The following TMOD1 variants were observed in gnomAD, a reference collection of about 807,000 sequenced individuals.
TMOD1 encodes tropomodulin 1.
TMOD1 carries 17 observed loss-of-function variants against 40.6 expected under a neutral mutation model. The ratio of observed to expected loss-of-function variants is 0.42; its 90% CI spans 0.29 to 0.63. The LOEUF (loss-of-function observed/expected upper bound fraction) is 0.63, where lower values mean the gene tolerates loss of function less well. TMOD1 is among the 20% of genes least tolerant of loss of function. TMOD1 has a pLI of 0.22. For synonymous variants in TMOD1, 181 were observed against 175.0 expected (o/e 1.03, Z -0.27); for missense variants, 391 against 447.6 (o/e 0.87, Z 1.14).
At chr9:97,555,288 G>GT in intron 4 of TMOD1, 1 of 948,256 alleles carries the variant, frequency 1.1e-6, no homozygotes, top group Non-Finnish European at 1.3e-6. Context: ...AGGCAGGGAG[G>GT]TGGCTGATGC....
chr9:97,575,768 C>A (rs1159740428), intron 8 of TMOD1, among the ~76,000 whole-genome samples: 1 of 152,176 alleles, frequency 6.6e-6, no homozygotes, highest in Non-Finnish European at 1.5e-5. Flanking sequence ...CCTTGTAACA[C>A]CTAAGGTGTT....
At chr9:97,582,985 C>T (rs529686357) in intron 8 of TMOD1, among the ~76,000 whole-genome samples, 1 of 151,366 alleles carries the variant, frequency 6.6e-6, no homozygotes, top group East Asian at 1.9e-4. Context: ...AATTGAATAC[C>T]CTTTATTTCC....
At chr9:97,558,216 T>C (rs149042199) in intron 4 of TMOD1, among the ~76,000 whole-genome samples, 2 of 152,226 alleles carry the variant, frequency 1.3e-5, no homozygotes, top group African/African-American at 2.4e-5. Context: ...GCTGTTAACA[T>C]ATGTAACCTC....
intron 6 of TMOD1, among the ~76,000 whole-genome samples, chr9:97,564,731 C>T (rs781418624): frequency 2.6e-5 from 4 of 152,132 alleles, no homozygotes; most frequent in Non-Finnish European, 4.4e-5. Context: ...TATGTGATCC[C>T]GGGGCAGGGG....
At chr9:97,535,868 GGC>G (rs1830174696) in intron 2 of TMOD1, among the ~76,000 whole-genome samples, 1 of 152,240 alleles carries the variant, frequency 6.6e-6, no homozygotes, top group Non-Finnish European at 1.5e-5. Flanking sequence ...TCAAGGTCAG[GGC>G]AGCTGAGCCA....
intron 7 of TMOD1, among the ~76,000 whole-genome samples, chr9:97,566,588 T>C (rs4743116): frequency 0.3 from 45,521 of 151,866 alleles, 7,014 homozygotes; most frequent in South Asian, 0.43. Flanking sequence ...GGAGAAGCAC[T>C]TGAGCCCAGG....
chr9:97,549,927 T>C (rs1419045882), intron 3 of TMOD1, among the ~76,000 whole-genome samples: 1 of 152,104 alleles, frequency 6.6e-6, no homozygotes, highest in Non-Finnish European at 1.5e-5. Flanking sequence ...TTATATAACA[T>C]AAAATTAACC....
chr9:97,566,631 A>G, intron 7 of TMOD1, among the ~76,000 whole-genome samples: 1 of 152,128 alleles, frequency 6.6e-6, no homozygotes, highest in Non-Finnish European at 1.5e-5. Flanking sequence ...AGATTGCACC[A>G]CTATACTCCA....
At chr9:97,546,041 G>T (rs1761608003) in intron 2 of TMOD1, 144 bp from the exon 3 acceptor site, 5 of 984,132 alleles carry the variant, frequency 5.1e-6, no homozygotes, top group Middle Eastern at 3.4e-4. Flanking sequence ...GTAAAACGAG[G>T]AACACCATGG....
chr9:97,583,005 C>A (rs1289982875), intron 8 of TMOD1, among the ~76,000 whole-genome samples: 11 of 150,774 alleles, frequency 7.3e-5, no homozygotes, highest in Non-Finnish European at 1.3e-4. Flanking sequence ...CTTCTCCTGT[C>A]TAATTGCCCT....
chr9:97,555,299 C>A, intron 4 of TMOD1: 2 of 1,038,132 alleles, frequency 1.9e-6, no homozygotes, highest in Non-Finnish European at 2.4e-6. Context: ...TGGCTGATGC[C>A]TTGGTGCGGC....
intron 9 of TMOD1, among the ~76,000 whole-genome samples, chr9:97,592,608 C>T (rs1826024392): frequency 6.6e-6 from 1 of 152,158 alleles, no homozygotes; most frequent in Admixed American, 6.5e-5. Flanking sequence ...TATGTCACTT[C>T]CTGGTGATTT....
intron 2 of TMOD1, among the ~76,000 whole-genome samples, chr9:97,535,211 G>A (rs1830161954): frequency 6.6e-6 from 1 of 152,204 alleles, no homozygotes; most frequent in African/African-American, 2.4e-5. Flanking sequence ...TGGAGTCTAA[G>A]GAGCAGAGGT....
Position 97,599,738 on chromosome 9 carries a change from T to TA in TMOD1, c.*40_*41insA. 6.2e-7 allele frequency: 1 copy of TA among 1,613,782 alleles called. No homozygotes were observed. Among genetic ancestry groups the TA allele is most frequent in the Non-Finnish European group, 8.5e-7 (1 of 1,179,950 alleles). On this transcript the variant is annotated 3_prime_UTR_variant, in exon 10 of 10. Transcript: ENST00000259365. ...GTCCATGCCTTTGAACTGGATGTGT[T>TA]CTATTGATGACCTGTGCTCTGCAGG...
At chr9:97,579,166 G>A (rs1472968545) in intron 8 of TMOD1, among the ~76,000 whole-genome samples, 1 of 152,200 alleles carries the variant, frequency 6.6e-6, no homozygotes, top group Non-Finnish European at 1.5e-5. Context: ...GAGCTCTGGT[G>A]AACTCAGAAT....
At chr9:97,519,138 G>GCAGAAGTGACTGGACCGGCTGCC (rs1829876241) in intron 1 of TMOD1, among the ~76,000 whole-genome samples, 2 of 152,216 alleles carry the variant, frequency 1.3e-5, no homozygotes, top group Non-Finnish European at 2.9e-5. Flanking sequence ...GAAGCCATTA[G>GCAGAAGTGACTGGACCGGCTGCC]CAGAAGTGAC....
At chr9:97,564,352 A>G (rs1830694072) in intron 6 of TMOD1, among the ~76,000 whole-genome samples, 184 bp downstream of exon 6, 2 of 152,192 alleles carry the variant, frequency 1.3e-5, no homozygotes, top group Admixed American at 1.3e-4. Context: ...AGGGGTGGGC[A>G]GTGTAAACAA....
chr9:97,578,173 A>G (rs1169666242), intron 8 of TMOD1, among the ~76,000 whole-genome samples: 3 of 152,126 alleles, frequency 2.0e-5, no homozygotes, highest in African/African-American at 7.2e-5. Flanking sequence ...CTCCTGCCTC[A>G]GCTTCCCAAG....
chr9:97,527,389 G>C lies in TMOD1; in HGVS notation c.120+3081G>C, dbSNP rs1830033551. ...GGAGCACAGGCTGGTGGGGACACAG[G>C]CATAATACACTGAGCTTGACACAGA... On this transcript the variant is annotated intron_variant, in intron 2 of 9. Transcript: ENST00000259365. Among the ~76,000 whole-genome samples the C allele has an allele frequency of 2.0e-5, 3 of 152,232 alleles. 1 individual carries two copies. The highest frequency in any genetic ancestry group is 4.4e-5 in the Non-Finnish European group (3 of 68,046).
Sources: gnomAD v4.1 joint callset for allele counts (sites outside exome capture counted in the v4.1 genomes callset) on GRCh38, gnomAD v4.1.1 for gene constraint, MANE v1.5 for transcripts, NCBI Gene and HGNC (gene_info 2026-07-23, HGNC 2026-07-21) for gene names.